Variants in CRACDL observed in about 807,000 individuals in gnomAD.
The protein encoded by CRACDL is CRACD-like protein.
In CRACDL, 26 loss-of-function variants were observed where a neutral mutation model predicts 70.6. The observed-to-expected ratio is 0.37, with a 90% CI of 0.27 to 0.51. The LOEUF (loss-of-function observed/expected upper bound fraction) is 0.51. Among genes scored for constraint, CRACDL ranks in the 20% least tolerant of loss-of-function variants. The pLI, the probability that CRACDL is intolerant of heterozygous loss-of-function variation, is 0.94. For missense variants in CRACDL, 1,283 were observed against 1,376.9 expected (o/e 0.93, Z 1.08); for synonymous variants, 618 against 615.2 (o/e 1.00, Z -0.07).
At chr2:98,925,013 CG>C (rs1708879871) in intron 1 of CRACDL, among the ~76,000 whole-genome samples, 2 of 152,146 alleles carry the variant, frequency 1.3e-5, no homozygotes, top group Non-Finnish European at 2.9e-5. Flanking sequence ...CTAAATAGCA[CG>C]GGGCCCCACC....
intron 3 of CRACDL, among the ~76,000 whole-genome samples, chr2:98,836,311 A>T (rs564460056): frequency 5.9e-4 from 90 of 152,242 alleles, no homozygotes; most frequent in African/African-American, 2.1e-3. Context: ...AAGTTGCCGC[A>T]GACTCTCCCA....
At chr2:98,840,548 G>A (rs1470860098) in intron 2 of CRACDL, 1 of 151,894 alleles carries the variant, frequency 6.6e-6, no homozygotes, top group Non-Finnish European at 1.5e-5. Flanking sequence ...TATCTTTACC[G>A]ATTTTTAAAG....
At chr2:98,829,114 T>C (rs995414483) in intron 5 of CRACDL, among the ~76,000 whole-genome samples, 3 of 152,250 alleles carry the variant, frequency 2.0e-5, no homozygotes, top group African/African-American at 7.2e-5. Context: ...TCACGGTGCC[T>C]GTGACAATAA....
At chr2:98,881,623 G>T (rs868335833) in intron 1 of CRACDL, among the ~76,000 whole-genome samples, 1 of 152,164 alleles carries the variant, frequency 6.6e-6, no homozygotes, top group Non-Finnish European at 1.5e-5. Context: ...TGTGACCCTC[G>T]TGTCATCAGG....
Position 98,823,578 on chromosome 2 carries a change from A to G in CRACDL, c.736-41T>C, listed in dbSNP as rs373885075. 14 of 1,537,312 alleles carry G rather than the reference A, an allele frequency of 9.1e-6. No individual in the cohort carries two copies. Among genetic ancestry groups the G allele is most frequent in the Middle Eastern group, 1.7e-4 (1 of 5,990 alleles). On this transcript the variant is annotated intron_variant, in intron 6 of 9. Transcript: ENST00000397899. The surrounding 1 kb of genome is among the most constrained non-coding windows in gnomAD (Gnocchi z 4.0). The stretch of plus-strand genomic sequence containing the variant: ...ATAAAAAGCATCGTCGCTATAGCCA[A>G]TTCCAGGAAGCCTGTCACCTCCCCA...
intron 1 of CRACDL, among the ~76,000 whole-genome samples, chr2:98,859,707 C>T (rs1040084334): frequency 7.9e-5 from 12 of 152,152 alleles, no homozygotes; most frequent in Non-Finnish European, 1.5e-4. Flanking sequence ...ACATCATACT[C>T]AGTGGTGAAA....
intron 1 of CRACDL, among the ~76,000 whole-genome samples, chr2:98,860,485 A>G (rs12477905): frequency 0.016 from 2,505 of 152,326 alleles, 38 homozygotes; most frequent in Non-Finnish European, 0.022. Context: ...CTTATGGCCA[A>G]TTGATTTTCA....
intron 1 of CRACDL, among the ~76,000 whole-genome samples, chr2:98,926,838 G>C (rs746213676): frequency 2.0e-5 from 3 of 152,198 alleles, no homozygotes; most frequent in African/African-American, 7.2e-5. Context: ...AGGGTTGCTC[G>C]GTATTGACTC....
rs759223431 is a variant in CRACDL, at chr2:98,822,461, G to A, written c.1812C>T (p.Gly604=). The A allele has an allele frequency of 1.5e-4, 216 of 1,477,422 alleles. 1 individual carries two copies. In the East Asian group the frequency reaches 6.0e-3, roughly 41 times the overall value. The allele number at this position is 1,477,422 out of a possible 1,614,324, so 91.5% of individuals were successfully genotyped here. ...GAGCCGCCTCGCTCCTCCAGACCGG[G>A]CCGCTCCTCGCGAGGGGCAGGCGGC... The part of the protein sequence containing the change: ...ASGRLPLARS[G]PVWRSEAALD... Residue 604 remains glycine, a synonymous_variant, in exon 7 of 10, where the codon GGC becomes GGT. Transcript: ENST00000397899. The surrounding 1 kb of genome is among the most constrained non-coding windows in gnomAD (Gnocchi z 4.9).
At chr2:98,868,790 C>T (rs1707240380) in intron 1 of CRACDL, among the ~76,000 whole-genome samples, 2 of 152,208 alleles carry the variant, frequency 1.3e-5, no homozygotes, top group South Asian at 4.1e-4. Context: ...ACTCTGCTCA[C>T]CCAGCCCTCC....
chr2:98,910,525 T>TAAATAAAG (rs766844549), intron 1 of CRACDL, among the ~76,000 whole-genome samples: 6 of 47,638 alleles, frequency 1.3e-4, no homozygotes, highest in Non-Finnish European at 2.8e-4. Context: ...TGTCTCAAAA[T>TAAATAAAG]AAATAAATAA....
At chr2:98,816,878 G>A (rs565442601) in intron 7 of CRACDL, among the ~76,000 whole-genome samples, 136 of 152,286 alleles carry the variant, frequency 8.9e-4, no homozygotes, top group Non-Finnish European at 1.6e-3. Flanking sequence ...AACTGAAATC[G>A]GAATCTCAGA....
At chr2:98,934,671 G>C (rs912073107) in intron 1 of CRACDL, among the ~76,000 whole-genome samples, 1 of 152,146 alleles carries the variant, frequency 6.6e-6, no homozygotes, top group Non-Finnish European at 1.5e-5. Flanking sequence ...GTAAGAACTT[G>C]ACTCGTGGAG....
chr2:98,875,743 G>A (rs146411752), intron 1 of CRACDL, among the ~76,000 whole-genome samples: 4 of 152,330 alleles, frequency 2.6e-5, no homozygotes, highest in Admixed American at 2.0e-4. Context: ...GCTTCAGCAC[G>A]AAGGACAGAA....
intron 7 of CRACDL, among the ~76,000 whole-genome samples, chr2:98,800,353 G>A (rs543656240): frequency 1.3e-5 from 2 of 152,128 alleles, no homozygotes; most frequent in East Asian, 1.9e-4. Context: ...GCAGGTGGAG[G>A]AGTTGTGTAA....
chr2:98,852,295 A>G (rs543596584), intron 1 of CRACDL, among the ~76,000 whole-genome samples: 1 of 152,302 alleles, frequency 6.6e-6, no homozygotes, highest in South Asian at 2.1e-4. Flanking sequence ...AGGGAAATGA[A>G]CTAAGATTTT....
intron 7 of CRACDL, 149 bp downstream of exon 7, chr2:98,821,708 G>C: frequency 1.9e-6 from 2 of 1,068,634 alleles, no homozygotes; most frequent in South Asian, 1.6e-5. Flanking sequence ...CTCTAGATCA[G>C]ACATGATGTT....
intron 1 of CRACDL, among the ~76,000 whole-genome samples, chr2:98,922,438 CAAAAA>C (rs565954351): frequency 1.6e-5 from 1 of 63,458 alleles, no homozygotes; most frequent in African/African-American, 5.2e-5. Context: ...GACTCCGTCT[CAAAAA>C]AAAAAAAAAA....
At chr2:98,933,844 G>A (rs1374689052) in intron 1 of CRACDL, among the ~76,000 whole-genome samples, 2 of 152,120 alleles carry the variant, frequency 1.3e-5, no homozygotes, top group Non-Finnish European at 2.9e-5. Flanking sequence ...CCATAAACCG[G>A]GCAGCTCATA....
Sources: gnomAD v4.1 joint callset for allele counts (sites outside exome capture counted in the v4.1 genomes callset) on GRCh38, gnomAD v4.1.1 for gene constraint, Gnocchi (gnomAD v3.1) non-coding constraint, MANE v1.5 for transcripts, NCBI Gene and HGNC (gene_info 2026-07-23, HGNC 2026-07-21) for gene names.